PACRG: variants seen among roughly 807,000 people sequenced by gnomAD.
PACRG encodes the protein parkin coregulated, also known as parkin coregulated gene protein.
A neutral mutation model predicts 29.7 loss-of-function variants in PACRG; 29 were observed. The ratio of observed to expected loss-of-function variants is 0.98; its 90% CI spans 0.73 to 1.33. The LOEUF (loss-of-function observed/expected upper bound fraction) is 1.33. PACRG is among the 40% of genes most tolerant of loss of function. PACRG has a pLI of 0.00. For missense variants in PACRG, 279 were observed against 316.2 expected, an observed-to-expected ratio of 0.88 and a Z score of 0.89; for synonymous variants, 116 against 118.7, an observed-to-expected ratio of 0.98 and a Z score of 0.15.
intron 4 of PACRG, among the ~76,000 whole-genome samples, chr6:163,144,300 G>A (rs1320983189): frequency 6.7e-6 from 1 of 150,174 alleles, no homozygotes; most frequent in African/African-American, 2.5e-5. Flanking sequence ...CACTCCATCA[G>A]TTTAAAAAAT....
At chr6:163,132,006 C>T (rs1816760487) in intron 4 of PACRG, among the ~76,000 whole-genome samples, 1 of 152,204 alleles carries the variant, frequency 6.6e-6, no homozygotes, top group African/African-American at 2.4e-5. Context: ...TTGTGTGCAG[C>T]TTTGACTGCA....
At chr6:163,030,971 C>A (rs1394824579) in intron 2 of PACRG, among the ~76,000 whole-genome samples, 1 of 152,130 alleles carries the variant, frequency 6.6e-6, no homozygotes, top group Non-Finnish European at 1.5e-5. Flanking sequence ...ATGCCTGAAC[C>A]ATCTAGGAAT....
At chr6:163,168,085 C>T (rs1224301767) in intron 4 of PACRG, among the ~76,000 whole-genome samples, 2 of 152,162 alleles carry the variant, frequency 1.3e-5, no homozygotes, top group African/African-American at 2.4e-5. Flanking sequence ...ATTTTCTGTC[C>T]ATGGCATATC....
chr6:163,213,252 A>T (rs1781226636), intron 4 of PACRG, among the ~76,000 whole-genome samples: 1 of 152,212 alleles, frequency 6.6e-6, no homozygotes, highest in African/African-American at 2.4e-5. Context: ...TTCAATTTTT[A>T]AAAAACAAAA....
intron 4 of PACRG, among the ~76,000 whole-genome samples, chr6:163,209,961 G>A (rs1048287521): frequency 1.3e-5 from 2 of 152,086 alleles, no homozygotes; most frequent in Admixed American, 6.6e-5. Context: ...TTCTTGAGCC[G>A]AGCCCCTAAA....
chr6:163,110,836 G>A (rs1815674636), intron 4 of PACRG, among the ~76,000 whole-genome samples: 1 of 152,200 alleles, frequency 6.6e-6, no homozygotes, highest in African/African-American at 2.4e-5. Context: ...GGCTGATGAG[G>A]AGACCCAGGA....
intron 4 of PACRG, among the ~76,000 whole-genome samples, chr6:163,299,181 T>C (rs956655046): frequency 2.0e-5 from 3 of 152,228 alleles, no homozygotes; most frequent in African/African-American, 7.2e-5. Flanking sequence ...TGATGACATC[T>C]GAGTTCATAT....
At chr6:163,117,246 C>A (rs1816046937) in intron 4 of PACRG, among the ~76,000 whole-genome samples, 1 of 152,196 alleles carries the variant, frequency 6.6e-6, no homozygotes, top group Admixed American at 6.5e-5. Context: ...ATGTGGAACC[C>A]TTCTTGGTGC....
intron 4 of PACRG, among the ~76,000 whole-genome samples, chr6:163,290,403 C>T (rs1784560757): frequency 6.6e-6 from 1 of 151,770 alleles, no homozygotes; most frequent in Admixed American, 6.6e-5. Flanking sequence ...TTCCAAGGGA[C>T]CAAAAACGTT....
chr6:163,228,772 T>A (rs550662411), intron 4 of PACRG, among the ~76,000 whole-genome samples: 1 of 152,228 alleles, frequency 6.6e-6, no homozygotes, highest in South Asian at 2.1e-4. Context: ...TCTAGCACAG[T>A]GACCAACATT....
At chr6:162,894,393 G>C (rs1194734822) in intron 2 of PACRG, among the ~76,000 whole-genome samples, 3 of 152,090 alleles carry the variant, frequency 2.0e-5, no homozygotes, top group Non-Finnish European at 2.9e-5. Flanking sequence ...AAGATATAAT[G>C]GTCTTTTGTA....
intron 1 of PACRG, among the ~76,000 whole-genome samples, chr6:162,809,941 C>T (rs1786694464): frequency 6.6e-6 from 1 of 152,186 alleles, no homozygotes; most frequent in Non-Finnish European, 1.5e-5. Flanking sequence ...GGAGCTTGGG[C>T]TTGTTCCCCA....
At chr6:163,141,758 A>G (rs1281805630) in intron 4 of PACRG, among the ~76,000 whole-genome samples, 1 of 152,166 alleles carries the variant, frequency 6.6e-6, no homozygotes, top group African/African-American at 2.4e-5. Flanking sequence ...ATGATCCTGT[A>G]TTATCCTAAC....
upstream of PACRG, chr6:162,727,427 T>C: frequency 2.0e-6 from 1 of 501,976 alleles, no homozygotes; most frequent in South Asian, 2.8e-5. Context: ...GCGGTCTTCA[T>C]GAGAACGCTC....
At chr6:163,098,957 A>G (rs1004084145) in intron 4 of PACRG, among the ~76,000 whole-genome samples, 2 of 151,876 alleles carry the variant, frequency 1.3e-5, no homozygotes, top group African/African-American at 2.4e-5. Context: ...CTTGGTTTTG[A>G]TGGGTTTGGG....
At chr6:163,153,111 T>A (rs1247491359) in intron 4 of PACRG, among the ~76,000 whole-genome samples, 1 of 152,256 alleles carries the variant, frequency 6.6e-6, no homozygotes, top group Non-Finnish European at 1.5e-5. Context: ...TATTTAAATG[T>A]TGGGTAGAAA....
intron 4 of PACRG, among the ~76,000 whole-genome samples, chr6:163,118,372 C>T (rs1816113719): frequency 6.6e-6 from 1 of 152,176 alleles, no homozygotes; most frequent in Non-Finnish European, 1.5e-5. Context: ...TTCCATGTCT[C>T]CTCACCCAGG....
chr6:163,140,244 C>G (rs1160825503), intron 4 of PACRG, among the ~76,000 whole-genome samples: 1 of 152,198 alleles, frequency 6.6e-6, no homozygotes, highest in Non-Finnish European at 1.5e-5. Flanking sequence ...AAATTAACAT[C>G]TTAGATCCCT....
intron 2 of PACRG, among the ~76,000 whole-genome samples, chr6:162,857,282 T>C (rs58411793): frequency 0.016 from 2,471 of 152,316 alleles, 58 homozygotes; most frequent in African/African-American, 0.056. Context: ...GAACTAAGCC[T>C]GGAATACTTG....
Sources: gnomAD v4.1 joint callset for allele counts (sites outside exome capture counted in the v4.1 genomes callset) on GRCh38, gnomAD v4.1.1 for gene constraint, MANE v1.5 for transcripts, NCBI Gene and HGNC (gene_info 2026-07-23, HGNC 2026-07-21) for gene names.